The following LRRC7 variants were observed in gnomAD, a reference collection of about 807,000 sequenced individuals.
LRRC7 encodes the protein leucine rich repeat containing 7, also known as leucine-rich repeat-containing protein 7.
LRRC7 carries 23 observed loss-of-function variants against 175.7 expected under a neutral mutation model. The ratio of observed to expected loss-of-function variants is 0.13; its 90% CI spans 0.09 to 0.19. The LOEUF is 0.19. LRRC7 is among the 10% of genes least tolerant of loss of function. LRRC7 has a pLI of 1.00. For synonymous variants in LRRC7, 685 were observed against 680.9 expected, an observed-to-expected ratio of 1.01 and a Z score of -0.09; for missense variants, 1,354 against 1,904.7, an observed-to-expected ratio of 0.71 and a Z score of 5.38.
At chr1:69,587,991 A>G (rs948213935) in intron 1 of LRRC7, among the ~76,000 whole-genome samples, 1 of 152,192 alleles carries the variant, frequency 6.6e-6, no homozygotes, top group Non-Finnish European at 1.5e-5. Context: ...ACACTGAGCT[A>G]TCAGGAGCTC....
intron 11 of LRRC7, among the ~76,000 whole-genome samples, chr1:69,999,849 A>T (rs1478751893): frequency 6.6e-6 from 1 of 152,114 alleles, no homozygotes; most frequent in African/African-American, 2.4e-5. Flanking sequence ...TGAGAAATAG[A>T]GTATCTAAAA....
chr1:69,571,917 A>G (rs776039006), intron 1 of LRRC7, among the ~76,000 whole-genome samples: 2 of 152,176 alleles, frequency 1.3e-5, no homozygotes, highest in Admixed American at 6.5e-5. Context: ...TCAAACATAT[A>G]TGCTGTTGAA....
At chr1:70,076,880 A>G (rs563938010) in intron 24 of LRRC7, among the ~76,000 whole-genome samples, 190 of 152,304 alleles carry the variant, frequency 1.2e-3, no homozygotes, top group African/African-American at 4.2e-3. Context: ...CCTATCTAAA[A>G]TTAGGATTTG....
At chr1:70,116,546 CAAAAA>C (rs11336931) in intron 26 of LRRC7, among the ~76,000 whole-genome samples, 3 of 104,886 alleles carry the variant, frequency 2.9e-5, no homozygotes, top group South Asian at 6.2e-4. Flanking sequence ...GACTCCATGT[CAAAAA>C]AAAAAAAAAA....
intron 24 of LRRC7, among the ~76,000 whole-genome samples, chr1:70,076,942 G>C (rs574858691): frequency 1.3e-4 from 19 of 151,844 alleles, no homozygotes; most frequent in Non-Finnish European, 2.5e-4. Flanking sequence ...AAACTGAGTG[G>C]GATTGCATCT....
chr1:70,110,200 T>C (rs1009976301), intron 26 of LRRC7, among the ~76,000 whole-genome samples: 1 of 152,050 alleles, frequency 6.6e-6, no homozygotes, highest in African/African-American at 2.4e-5. Context: ...GGCAGCACAG[T>C]GAGACTTGGT....
At chr1:69,830,633 G>T (rs1161245593) in intron 5 of LRRC7, among the ~76,000 whole-genome samples, 1 of 151,680 alleles carries the variant, frequency 6.6e-6, no homozygotes, top group Admixed American at 6.6e-5. Flanking sequence ...CTAAATCTAT[G>T]AACAGAATCC....
chr1:69,889,303 C>T (rs1387880942), intron 7 of LRRC7, among the ~76,000 whole-genome samples: 1 of 152,146 alleles, frequency 6.6e-6, no homozygotes, highest in Non-Finnish European at 1.5e-5. Flanking sequence ...TTCTCTAGAA[C>T]ATCTTTCTCT....
intron 7 of LRRC7, among the ~76,000 whole-genome samples, chr1:69,886,156 A>G (rs1687169217): frequency 1.3e-5 from 2 of 151,914 alleles, no homozygotes; most frequent in Non-Finnish European, 2.9e-5. Context: ...AGCTGAGTTC[A>G]ATTCCTGGGT....
chr1:69,976,394 G>A (rs541421716), intron 8 of LRRC7, among the ~76,000 whole-genome samples: 5 of 152,222 alleles, frequency 3.3e-5, no homozygotes, highest in East Asian at 1.9e-4. Context: ...CTTTATATTC[G>A]CTGGCAGCTG....
chr1:69,839,345 T>G (rs1415745952), intron 7 of LRRC7, among the ~76,000 whole-genome samples: 2 of 152,106 alleles, frequency 1.3e-5, no homozygotes, highest in African/African-American at 4.8e-5. Context: ...TAATCCTCCA[T>G]AAGAGAAGAC....
chr1:69,900,553 T>C (rs1646106067), intron 7 of LRRC7, among the ~76,000 whole-genome samples: 1 of 152,128 alleles, frequency 6.6e-6, no homozygotes, highest in African/African-American at 2.4e-5. Flanking sequence ...AAATTATGAG[T>C]TTTATTGTAG....
intron 1 of LRRC7, among the ~76,000 whole-genome samples, chr1:69,636,424 GACACAC>G (rs55772671): frequency 6.6e-6 from 1 of 150,692 alleles, no homozygotes; most frequent in Non-Finnish European, 1.5e-5. Context: ...TCCAGGCACA[GACACAC>G]ACACACACAC....
chr1:70,014,924 G>A (rs1430940772), intron 13 of LRRC7, among the ~76,000 whole-genome samples: 2 of 151,940 alleles, frequency 1.3e-5, no homozygotes, highest in African/African-American at 4.8e-5. Flanking sequence ...TGACTGGATT[G>A]ATGATGATAT....
At chr1:70,091,885 A>C (rs146344957) in intron 25 of LRRC7, among the ~76,000 whole-genome samples, 67 of 152,280 alleles carry the variant, frequency 4.4e-4, no homozygotes, top group Middle Eastern at 3.4e-3. Context: ...CTGAAAAGTA[A>C]ATCTCTATTA....
intron 3 of LRRC7, among the ~76,000 whole-genome samples, chr1:69,786,111 T>C (rs551349708): frequency 5.9e-5 from 9 of 152,284 alleles, no homozygotes; most frequent in African/African-American, 2.2e-4. Flanking sequence ...GTTATGTTTC[T>C]TGCAGTGTTA....
intron 25 of LRRC7, among the ~76,000 whole-genome samples, chr1:70,090,812 T>C (rs1170287205): frequency 6.6e-6 from 1 of 152,146 alleles, no homozygotes; most frequent in African/African-American, 2.4e-5. Context: ...TTATGAGACC[T>C]ACTTCTGAAA....
At chr1:69,840,129 G>A (rs990104192) in intron 7 of LRRC7, among the ~76,000 whole-genome samples, 9 of 151,784 alleles carry the variant, frequency 5.9e-5, no homozygotes, top group African/African-American at 2.2e-4. Flanking sequence ...AAAGTTACTT[G>A]CAATCTAGTG....
chr1:69,976,837 A>T (rs1449479713), intron 8 of LRRC7, among the ~76,000 whole-genome samples: 2 of 146,322 alleles, frequency 1.4e-5, no homozygotes. Context: ...CCCCTTGGAG[A>T]GCTCATTCAC....
Sources: allele counts gnomAD v4.1 joint callset (sites outside exome capture counted in the v4.1 genomes callset), GRCh38; gene constraint gnomAD v4.1.1; transcripts MANE v1.5; gene names NCBI Gene and HGNC (gene_info 2026-07-23, HGNC 2026-07-21).